The following ANKRD40CL variants were observed in gnomAD, a reference collection of about 807,000 sequenced individuals.
The protein encoded by ANKRD40CL is putative ANKRD40 C-terminal-like protein.
For missense variants in ANKRD40CL, 11 were observed against 6.4 expected, an observed-to-expected ratio of 1.71 and a Z score of -0.77; for synonymous variants, 5 against 2.3, an observed-to-expected ratio of 2.14 and a Z score of -1.04.
At chr17:50,763,133 G>A (rs1971232505) in intron 3 of ANKRD40CL, 1 of 307,146 alleles carries the variant, frequency 3.3e-6, no homozygotes, top group East Asian at 5.1e-5. Flanking sequence ...TTGACCTTGT[G>A]ATCTGCCCAC....
At position 50,766,935 on chromosome 17, in the gene ANKRD40CL, A is replaced by C. The variant is rs1266492060; in HGVS notation, c.-22T>G. ...CCATGAGTCACCTCTAGTCCGTCAG[A>C]TGTGCAGCCCCTCTCGCATTTATGC... is the stretch of plus-strand genomic sequence containing the variant. On this transcript the variant is annotated 5_prime_UTR_variant, in exon 2 of 4. Transcript: ENST00000450727. The C allele has an allele frequency of 1.4e-6, 1 of 701,030 alleles. No homozygotes were observed. Among genetic ancestry groups the C allele is most frequent in the Non-Finnish European group, 2.6e-6 (1 of 384,154 alleles). The allele number at this position is 701,030 out of a possible 1,614,324, so 43.4% of individuals were successfully genotyped here. A position where few individuals can be genotyped will look rare whatever the true frequency, so the allele number is the denominator to read the frequency against.
At chr17:50,764,177 C>T (rs1477430843) in intron 2 of ANKRD40CL, 2 of 398,628 alleles carry the variant, frequency 5.0e-6, no homozygotes, top group Non-Finnish European at 8.8e-6. Flanking sequence ...AGACAGGTGT[C>T]ACTGGGTTTC....
intron 2 of ANKRD40CL, among the ~76,000 whole-genome samples, chr17:50,765,302 C>T (rs1971280438): frequency 6.6e-6 from 1 of 152,116 alleles, no homozygotes; most frequent in African/African-American, 2.4e-5. Flanking sequence ...ACATATGTGG[C>T]TTGCATTACA....
At chr17:50,763,203 G>C in intron 3 of ANKRD40CL, 194 bp downstream of exon 3, 1 of 389,478 alleles carries the variant, frequency 2.6e-6, no homozygotes. Context: ...GGACCATTTA[G>C]AGGTTTTTAA....
chr17:50,763,477 TTAG>T lies in ANKRD40CL; in HGVS notation c.118_120del (p.Leu40del), dbSNP rs1030631778. 4 of 398,940 alleles carry T rather than the reference TTAG, an allele frequency of 1.0e-5. No homozygotes were observed. Among genetic ancestry groups the T allele is most frequent in the African/African-American group, 8.2e-5 (4 of 48,632 alleles). 24.7% of individuals were successfully genotyped at this position (398,940 alleles called of 1,614,324 possible). Reference sequence around the variant, plus strand: ...ATCCCCAGTTCACAGCAACTCACGTTTAGTAGGTTTTGGTAACTCAGTTCTTGT... The same window carrying T: ...ATCCCCAGTTCACAGCAACTCACGTTTAGGTTTTGGTAACTCAGTTCTTGT... On this transcript the variant is annotated inframe_deletion, in exon 3 of 4. Transcript: ENST00000450727.
rs58902684 is a variant in ANKRD40CL, at chr17:50,761,033, A to ATTATTTAT, written c.*322_*329dup. On this transcript the variant is annotated 3_prime_UTR_variant, in exon 4 of 4. Coordinates refer to ENST00000450727, the MANE Select transcript of ANKRD40CL (RefSeq NM_001358683.3). ...TTCAGTTTTTTAATTCCTGGGATTGATTATTTATTTATTTATTTATTTTGA... is the reference window on the plus strand; with the variant it reads ...TTCAGTTTTTTAATTCCTGGGATTGATTATTTATTTATTTATTTATTTATTTATTTTGA... The ATTATTTAT allele has an allele frequency of 0.021, 3,158 of 148,648 alleles. 104 individuals carry two copies. Among genetic ancestry groups the ATTATTTAT allele is most frequent in the African/African-American group, 0.071 (2,843 of 39,806 alleles). 9.2% of individuals were successfully genotyped at this position (148,648 alleles called of 1,614,324 possible). A position where few individuals can be genotyped will look rare whatever the true frequency, so the allele number is the denominator to read the frequency against.
intron 2 of ANKRD40CL, chr17:50,764,414 A>G (rs1007901135): frequency 7.6e-5 from 30 of 395,178 alleles, no homozygotes; most frequent in Non-Finnish European, 2.7e-5. Context: ...TTCAGTCTTG[A>G]AGAGTAATTT....
chr17:50,761,892 G>A (rs1426329032), intron 3 of ANKRD40CL, among the ~76,000 whole-genome samples: 1 of 152,072 alleles, frequency 6.6e-6, no homozygotes, highest in Admixed American at 6.5e-5. Context: ...CAAAATGCTG[G>A]GATTACAGGT....
chr17:50,764,520 G>A, intron 2 of ANKRD40CL: 1 of 302,494 alleles, frequency 3.3e-6, no homozygotes, highest in Non-Finnish European at 6.0e-6. Context: ...TCTGTGCTTA[G>A]CTCAAGTTTT....
intron 2 of ANKRD40CL, among the ~76,000 whole-genome samples, chr17:50,765,465 G>T (rs73987906): frequency 0.013 from 1,904 of 152,246 alleles, 32 homozygotes; most frequent in African/African-American, 0.044. Context: ...AATCCTGTGG[G>T]GTATGCACAT....
Position 50,766,988 on chromosome 17 carries a change from T to C in ANKRD40CL, c.-75A>G. ...AAGCTCCCAACCAAATAAAAAGCACTTTCTACAGCCTCAGCACATCTGTCT... is the reference window on the plus strand; with the variant it reads ...AAGCTCCCAACCAAATAAAAAGCACCTTCTACAGCCTCAGCACATCTGTCT... On this transcript the variant is annotated 5_prime_UTR_variant, in exon 2 of 4. Transcript: ENST00000450727. 1 of 702,402 alleles carries C rather than the reference T, an allele frequency of 1.4e-6. No homozygotes were observed. Among genetic ancestry groups the C allele is most frequent in the Non-Finnish European group, 2.6e-6 (1 of 384,980 alleles). The allele number at this position is 702,402 out of a possible 1,614,324, so 43.5% of individuals were successfully genotyped here.
chr17:50,765,461 G>C (rs1971285382), intron 2 of ANKRD40CL, among the ~76,000 whole-genome samples: 1 of 152,208 alleles, frequency 6.6e-6, no homozygotes, highest in South Asian at 2.1e-4. Context: ...AAAGAATCCT[G>C]TGGGGTATGC....
intron 2 of ANKRD40CL, among the ~76,000 whole-genome samples, chr17:50,765,190 T>C (rs1180116256): frequency 1.3e-5 from 2 of 152,242 alleles, no homozygotes; most frequent in Admixed American, 1.3e-4. Context: ...TTCATACTTA[T>C]ATGTTGACAT....
In ANKRD40CL at chr17:50,763,507, T is replaced by C. The variant is rs1180375823; in HGVS notation, c.91A>G (p.Arg31Gly). ...ENDFIEIELK[R>G]QELSYQNLLN... is the part of the protein sequence containing the mutation. Reference sequence around the variant, plus strand: ...AGGTTTTGGTAACTCAGTTCTTGTCTCTTCAGTTCAATTTCAATGAAGTCA... The same window carrying C: ...AGGTTTTGGTAACTCAGTTCTTGTCCCTTCAGTTCAATTTCAATGAAGTCA... Residue 31 changes from arginine to glycine, a missense_variant, in exon 3 of 4, where the codon AGA becomes GGA. By Grantham distance (125) the Arg-to-Gly change is moderately radical (BLOSUM62 -2). Transcript: ENST00000450727. 1 of 398,982 alleles carries C rather than the reference T, an allele frequency of 2.5e-6. No individual in the cohort carries two copies. Among genetic ancestry groups the C allele is most frequent in the Non-Finnish European group, 4.4e-6 (1 of 226,080 alleles). 24.7% of individuals were successfully genotyped at this position (398,982 alleles called of 1,614,324 possible).
At chr17:50,764,206 GT>G in intron 2 of ANKRD40CL, 1 of 398,684 alleles carries the variant, frequency 2.5e-6, no homozygotes, top group East Asian at 3.6e-5. Flanking sequence ...ACTTGGGTCC[GT>G]TGTTGGCAAG....
intron 1 of ANKRD40CL, 66 bp from the exon 2 acceptor site, chr17:50,767,077 T>C (rs1176952204): frequency 1.1e-5 from 8 of 698,590 alleles, no homozygotes; most frequent in South Asian, 1.5e-5. Flanking sequence ...TTTTATTTTA[T>C]AGATAGGGAA....
rs1250957031 is a variant in ANKRD40CL, at chr17:50,761,521, G to C, written c.202-15C>G. 2.5e-6 allele frequency: 1 copy of C among 398,628 alleles called. No homozygotes were observed. Among genetic ancestry groups the C allele is most frequent in the African/African-American group, 2.1e-5 (1 of 48,722 alleles). The allele number at this position is 398,628 out of a possible 1,614,324, so 24.7% of individuals were successfully genotyped here. The stretch of plus-strand genomic sequence containing the variant: ...ATGTCTTTGTCCTTAATGTAGAAAA[G>C]AAATTATATTATGCTTAATAAATTT... On this transcript the variant is annotated splice_polypyrimidine_tract_variant and intron_variant, in intron 3 of 3. Coordinates refer to ENST00000450727, the MANE Select transcript of ANKRD40CL (RefSeq NM_001358683.3).
intron 2 of ANKRD40CL, 117 bp downstream of exon 2, chr17:50,766,757 G>A (rs1020020966): frequency 6.8e-6 from 4 of 586,834 alleles, no homozygotes; most frequent in Non-Finnish European, 1.2e-5. Flanking sequence ...CCCACTGGCA[G>A]AGTGGCGGAG....
At chr17:50,761,583 G>A (rs767319836) in intron 3 of ANKRD40CL, 77 bp from the exon 4 acceptor site, 54 of 389,618 alleles carry the variant, frequency 1.4e-4, no homozygotes, top group Non-Finnish European at 2.2e-4. Flanking sequence ...ATATTGTTCA[G>A]CATCTTGGGT....
Sources: allele counts gnomAD v4.1 joint callset (sites outside exome capture counted in the v4.1 genomes callset), GRCh38; gene constraint gnomAD v4.1.1; transcripts MANE v1.5; gene names NCBI Gene and HGNC (gene_info 2026-07-23, HGNC 2026-07-21).